TAOK3: variants seen among roughly 807,000 people sequenced by gnomAD.
TAOK3 encodes the protein serine/threonine-protein kinase TAO3.
A neutral mutation model predicts 120.4 loss-of-function variants in TAOK3; 40 were observed. The ratio of observed to expected loss-of-function variants is 0.33; its 90% CI spans 0.26 to 0.43. The LOEUF (loss-of-function observed/expected upper bound fraction) is 0.43, where lower values mean the gene tolerates loss of function less well. Ranked by LOEUF, TAOK3 falls within the 20% of genes least tolerant of loss-of-function variation. The pLI, the probability that TAOK3 is intolerant of heterozygous loss-of-function variation, is 1.00. For missense variants in TAOK3, 821 were observed against 1,112.1 expected, an observed-to-expected ratio of 0.74 and a Z score of 3.72; for synonymous variants, 355 against 387.5, an observed-to-expected ratio of 0.92 and a Z score of 0.99.
chr12:118,191,330 T>G (rs1364050503), intron 13 of TAOK3, among the ~76,000 whole-genome samples: 1 of 152,180 alleles, frequency 6.6e-6, no homozygotes, highest in Non-Finnish European at 1.5e-5. Flanking sequence ...GTATTATAGC[T>G]CAAATAATGA....
intron 1 of TAOK3, among the ~76,000 whole-genome samples, chr12:118,347,150 C>T (rs1007453962): frequency 2.0e-4 from 30 of 152,106 alleles, no homozygotes; most frequent in African/African-American, 6.8e-4. Flanking sequence ...ACCGCAGACA[C>T]GTGTCACCAC....
intron 1 of TAOK3, among the ~76,000 whole-genome samples, chr12:118,369,644 C>T (rs926251946): frequency 6.6e-6 from 1 of 152,152 alleles, no homozygotes; most frequent in Non-Finnish European, 1.5e-5. Flanking sequence ...CCATTTCATA[C>T]ATTATATGCA....
chr12:118,295,735 T>C (rs1457183693), intron 1 of TAOK3, among the ~76,000 whole-genome samples: 1 of 152,190 alleles, frequency 6.6e-6, no homozygotes, highest in Non-Finnish European at 1.5e-5. Context: ...TTCTATCCAG[T>C]CTCTAGGTTC....
intron 7 of TAOK3, 66 bp downstream of exon 7, chr12:118,238,007 T>C: frequency 9.1e-7 from 1 of 1,100,526 alleles, no homozygotes; most frequent in Non-Finnish European, 1.3e-6. Context: ...CATGCACTAA[T>C]TTTCAAGGTT....
chr12:118,166,495 GC>G (rs1425712941), intron 17 of TAOK3, among the ~76,000 whole-genome samples: 2 of 149,458 alleles, frequency 1.3e-5, no homozygotes, highest in Admixed American at 1.3e-4. Flanking sequence ...CTGAGACTGC[GC>G]CATTGCATTC....
intron 19 of TAOK3, among the ~76,000 whole-genome samples, chr12:118,155,230 C>T (rs1307023034): frequency 6.6e-6 from 1 of 151,928 alleles, no homozygotes; most frequent in African/African-American, 2.4e-5. Flanking sequence ...TCCTGACCTC[C>T]GGTGATCCAC....
intron 16 of TAOK3, among the ~76,000 whole-genome samples, chr12:118,175,511 C>T (rs1040865825): frequency 2.6e-5 from 4 of 152,024 alleles, no homozygotes; most frequent in African/African-American, 7.3e-5. Context: ...CCTGTAATCT[C>T]GGCTACTTGG....
intron 1 of TAOK3, among the ~76,000 whole-genome samples, chr12:118,295,532 CATTTT>C (rs1407453584): frequency 4.6e-5 from 7 of 152,154 alleles, no homozygotes; most frequent in African/African-American, 1.7e-4. Context: ...AACCACATTT[CATTTT>C]GTGTAATAGT....
At chr12:118,166,800 GTA>G (rs2035610787) in intron 17 of TAOK3, among the ~76,000 whole-genome samples, 2 of 131,178 alleles carry the variant, frequency 1.5e-5, no homozygotes, top group South Asian at 5.3e-4. Flanking sequence ...TGTACTCAAT[GTA>G]TGTGTGTGTG....
In TAOK3 at chr12:118,160,643, C is replaced by T. The variant is rs1288175950; in HGVS notation, c.2140-285G>A. 6.6e-6 allele frequency among the ~76,000 whole-genome samples: 1 copy of T among 152,150 alleles called. No homozygotes were observed. Among genetic ancestry groups the T allele is most frequent in the Non-Finnish European group, 1.5e-5 (1 of 68,028 alleles). Reference sequence around the variant, plus strand: ...GGATGACAACTCTAAGCAGATTGAGCGATACTATGAAGCTTAGCTTGTTGA... The same window carrying T: ...GGATGACAACTCTAAGCAGATTGAGTGATACTATGAAGCTTAGCTTGTTGA... On this transcript the variant is annotated intron_variant, in intron 18 of 20. Transcript: ENST00000392533. This position sits in a 1 kb window ranked among gnomAD's most constrained non-coding sequence, Gnocchi z 4.2.
At chr12:118,303,851 T>C (rs2140741990) in intron 1 of TAOK3, among the ~76,000 whole-genome samples, 1 of 152,380 alleles carries the variant, frequency 6.6e-6, no homozygotes, top group Non-Finnish European at 1.5e-5. Flanking sequence ...TTTCGCCATG[T>C]TGGCCAGGCT....
rs2040485142 is a variant in TAOK3 at position 118,246,122 on chromosome 12, C to T, written c.121-1157G>A. The T allele has an allele frequency of 3.6e-6, 5 of 1,371,374 alleles. No individual in the cohort carries two copies. In the South Asian group the frequency reaches 3.9e-5, roughly 11 times the overall value. 85.0% of individuals were successfully genotyped at this position (1,371,374 alleles called of 1,614,324 possible). ...CCGGTGCAGCGGGGGGGCACGGAGGCCCTGGTGGCCCTGGGATGGGGAACC... is the reference window on the plus strand; with the variant it reads ...CCGGTGCAGCGGGGGGGCACGGAGGTCCTGGTGGCCCTGGGATGGGGAACC... On this transcript the variant is annotated intron_variant, in intron 3 of 20. Transcript: ENST00000392533.
chr12:118,354,661 T>C (rs1468059500), intron 1 of TAOK3, among the ~76,000 whole-genome samples: 1 of 152,030 alleles, frequency 6.6e-6, no homozygotes, highest in Non-Finnish European at 1.5e-5. Context: ...AATCATGGGG[T>C]GGGTCTTTCC....
intron 1 of TAOK3, among the ~76,000 whole-genome samples, chr12:118,280,886 G>C (rs2042077190): frequency 1.3e-5 from 2 of 152,154 alleles, no homozygotes; most frequent in African/African-American, 4.8e-5. Context: ...GCAGTGTTTA[G>C]TAGTTCTCAT....
chr12:118,369,420 T>A (rs1477435906), intron 1 of TAOK3, among the ~76,000 whole-genome samples: 4 of 152,216 alleles, frequency 2.6e-5, no homozygotes. Context: ...TACCATAATA[T>A]AATGTGGTTG....
chr12:118,369,943 T>C (rs1261382661), intron 1 of TAOK3, among the ~76,000 whole-genome samples: 1 of 152,136 alleles, frequency 6.6e-6, no homozygotes, highest in Non-Finnish European at 1.5e-5. Flanking sequence ...GGCGCGATCT[T>C]GGCTCACTGC....
rs138691349 is a variant in TAOK3 at position 118,160,563 on chromosome 12, A to G, written c.2140-205T>C. ...ACTTTTGGTTTTATATTGAATGACT[A>G]TAAGTAATTTTGAATTTACAAATGG... On this transcript the variant is annotated intron_variant, in intron 18 of 20. Coordinates refer to ENST00000392533, the MANE Select transcript of TAOK3 (RefSeq NM_016281.4). The surrounding 1 kb of genome is among the most constrained non-coding windows in gnomAD (Gnocchi z 4.2). Among the ~76,000 whole-genome samples the G allele has an allele frequency of 7.2e-5, 11 of 152,340 alleles. No individual in the cohort carries two copies. The highest frequency in any genetic ancestry group is 1.3e-4 in the Non-Finnish European group (9 of 68,028).
intron 1 of TAOK3, among the ~76,000 whole-genome samples, chr12:118,363,430 T>C (rs1445786570): frequency 1.3e-5 from 2 of 152,232 alleles, no homozygotes; most frequent in Non-Finnish European, 2.9e-5. Context: ...TATAAGACAC[T>C]GTCCTTTTAA....
At chr12:118,267,131 C>G (rs935211602) in intron 1 of TAOK3, among the ~76,000 whole-genome samples, 2 of 152,160 alleles carry the variant, frequency 1.3e-5, no homozygotes, top group African/African-American at 4.8e-5. Context: ...TTCCAATAGA[C>G]ATGATGATTT....
Sources: gnomAD v4.1 joint callset for allele counts (sites outside exome capture counted in the v4.1 genomes callset) on GRCh38, gnomAD v4.1.1 for gene constraint, Gnocchi (gnomAD v3.1) non-coding constraint, MANE v1.5 for transcripts, NCBI Gene and HGNC (gene_info 2026-07-23, HGNC 2026-07-21) for gene names.